The following NCOA2 variants were observed in gnomAD, a reference collection of about 807,000 sequenced individuals.
NCOA2 encodes class E basic helix-loop-helix protein 75.
A neutral mutation model predicts 145.1 loss-of-function variants in NCOA2; 21 were observed. The ratio of observed to expected loss-of-function variants is 0.14; its 90% CI spans 0.10 to 0.21. The LOEUF (loss-of-function observed/expected upper bound fraction) is 0.21, where lower values mean the gene tolerates loss of function less well. Among genes scored for constraint, NCOA2 ranks in the 10% least tolerant of loss-of-function variants. The pLI is 1.00. For synonymous variants in NCOA2, 619 were observed against 637.5 expected (o/e 0.97, Z 0.44); for missense variants, 1,472 against 1,837.6 (o/e 0.80, Z 3.64).
chr8:70,124,219 G>A (rs1178030189), intron 20 of NCOA2, 137 bp from the exon 21 acceptor site: 9 of 770,736 alleles, frequency 1.2e-5, no homozygotes, highest in African/African-American at 3.5e-5. Context: ...TGAGACAGCC[G>A]GCAGGTGGTG....
intron 1 of NCOA2, among the ~76,000 whole-genome samples, chr8:70,332,771 A>C (rs568756443): frequency 6.6e-6 from 1 of 152,318 alleles, no homozygotes; most frequent in South Asian, 2.1e-4. Context: ...ATCTTTAAAG[A>C]TCAAACTCCA....
chr8:70,350,644 A>G (rs1449144770), intron 1 of NCOA2, among the ~76,000 whole-genome samples: 1 of 152,244 alleles, frequency 6.6e-6, no homozygotes, highest in Non-Finnish European at 1.5e-5. Context: ...AAGATTTTGT[A>G]AAGTTTACAT....
intron 14 of NCOA2, 121 bp downstream of exon 14, chr8:70,141,063 G>T: frequency 1.0e-6 from 1 of 970,556 alleles, no homozygotes; most frequent in Non-Finnish European, 1.5e-6. Flanking sequence ...CCCACTTATG[G>T]CAGCTTCATG....
At chr8:70,195,482 G>A (rs895445456) in intron 4 of NCOA2, among the ~76,000 whole-genome samples, 2 of 152,094 alleles carry the variant, frequency 1.3e-5, no homozygotes, top group African/African-American at 2.4e-5. Flanking sequence ...GCACATATAG[G>A]ACCCATACAA....
chr8:70,382,532 A>G (rs1812297054), intron 1 of NCOA2, among the ~76,000 whole-genome samples: 2 of 152,232 alleles, frequency 1.3e-5, no homozygotes, highest in African/African-American at 4.8e-5. Flanking sequence ...GTCCACCAAC[A>G]GTTTTATCTA....
chr8:70,379,564 T>C (rs1465353328), intron 1 of NCOA2, among the ~76,000 whole-genome samples: 1 of 152,200 alleles, frequency 6.6e-6, no homozygotes, highest in Non-Finnish European at 1.5e-5. Flanking sequence ...ATTTTATCTC[T>C]TTCTGCCACC....
chr8:70,327,991 C>A (rs1806747816), intron 1 of NCOA2, among the ~76,000 whole-genome samples: 1 of 152,186 alleles, frequency 6.6e-6, no homozygotes, highest in South Asian at 2.1e-4. Context: ...GAATGCAGTA[C>A]CAGTGTGGCC....
At chr8:70,300,703 A>C (rs1448488115) in intron 1 of NCOA2, among the ~76,000 whole-genome samples, 1 of 152,224 alleles carries the variant, frequency 6.6e-6, no homozygotes, top group Non-Finnish European at 1.5e-5. Context: ...GAAGCAATGG[A>C]AACTGGGAAG....
At chr8:70,163,288 G>T (rs908970894) in intron 8 of NCOA2, among the ~76,000 whole-genome samples, 177 bp downstream of exon 8, 1 of 152,050 alleles carries the variant, frequency 6.6e-6, no homozygotes, top group East Asian at 1.9e-4. Flanking sequence ...GGAACAAAAG[G>T]GTATACAGTG....
intron 2 of NCOA2, among the ~76,000 whole-genome samples, chr8:70,278,626 T>A (rs116513921): frequency 6.6e-6 from 1 of 152,110 alleles, no homozygotes; most frequent in Non-Finnish European, 1.5e-5. Context: ...GCCTCCAGTA[T>A]TGCCCTCCTC....
chr8:70,301,739 A>G (rs1351549825), intron 1 of NCOA2, among the ~76,000 whole-genome samples: 2 of 152,014 alleles, frequency 1.3e-5, no homozygotes, highest in Non-Finnish European at 2.9e-5. Flanking sequence ...ACAACTGAAA[A>G]CATGGAACAA....
intron 12 of NCOA2, among the ~76,000 whole-genome samples, 184 bp from the exon 13 acceptor site, chr8:70,145,032 A>T (rs546297566): frequency 6.6e-6 from 1 of 152,360 alleles, no homozygotes; most frequent in African/African-American, 2.4e-5. Context: ...TAGATGTGTG[A>T]TCTAATCAAC....
At chr8:70,454,743 C>T in the NCOA2 span, among the ~76,000 whole-genome samples, 1 of 152,204 alleles carries the variant, frequency 6.6e-6, no homozygotes, top group Non-Finnish European at 1.5e-5. Context: ...CCCCTGTTGT[C>T]CTCATTCTGC....
intron 1 of NCOA2, among the ~76,000 whole-genome samples, chr8:70,375,079 T>G (rs1439300047): frequency 6.6e-6 from 1 of 152,176 alleles, no homozygotes; most frequent in Non-Finnish European, 1.5e-5. Context: ...CTGCAAACTA[T>G]TAACTCTCAT....
chr8:70,312,904 A>AC (rs1203160389), intron 1 of NCOA2, among the ~76,000 whole-genome samples: 1 of 152,186 alleles, frequency 6.6e-6, no homozygotes, highest in Non-Finnish European at 1.5e-5. Context: ...TAAATCACAT[A>AC]CCCAGAACTA....
chr8:70,137,208 T>G (rs963795878), intron 15 of NCOA2, among the ~76,000 whole-genome samples: 1 of 152,110 alleles, frequency 6.6e-6, no homozygotes, highest in Non-Finnish European at 1.5e-5. Context: ...CCCGGCTAAG[T>G]TTTTTTGTAT....
At chr8:70,358,012 T>C (rs1162342884) in intron 1 of NCOA2, among the ~76,000 whole-genome samples, 3 of 151,832 alleles carry the variant, frequency 2.0e-5, no homozygotes, top group African/African-American at 4.8e-5. Flanking sequence ...GATCATGCCA[T>C]TGCACTCCAG....
intron 2 of NCOA2, among the ~76,000 whole-genome samples, chr8:70,272,968 A>T (rs1301584494): frequency 6.6e-6 from 1 of 152,240 alleles, no homozygotes; most frequent in Non-Finnish European, 1.5e-5. Context: ...TTACAAGCCA[A>T]ATTATACATT....
the NCOA2 span, chr8:70,424,107 G>A: frequency 5.9e-6 from 1 of 170,850 alleles, no homozygotes; most frequent in Non-Finnish European, 1.2e-5. Flanking sequence ...CTATGTATTA[G>A]CAGACAAGGC....
Sources: gnomAD v4.1 joint callset for allele counts (sites outside exome capture counted in the v4.1 genomes callset) on GRCh38, gnomAD v4.1.1 for gene constraint, MANE v1.5 for transcripts, NCBI Gene and HGNC (gene_info 2026-07-23, HGNC 2026-07-21) for gene names.